Variants in GNL3L observed in about 807,000 individuals in gnomAD.
The protein encoded by GNL3L is G protein nucleolar 3 like, also known as guanine nucleotide-binding protein-like 3-like protein.
In GNL3L, 4 loss-of-function variants were observed where a neutral mutation model predicts 42.9. The observed-to-expected ratio is 0.09, with a 90% CI of 0.05 to 0.21. The LOEUF is 0.21. Among genes scored for constraint, GNL3L ranks in the 10% least tolerant of loss-of-function variants. The pLI, the probability that GNL3L is intolerant of heterozygous loss-of-function variation, is 1.00. For synonymous variants in GNL3L, 159 were observed against 176.3 expected, an observed-to-expected ratio of 0.90 and a Z score of 0.78; for missense variants, 412 against 481.7, an observed-to-expected ratio of 0.86 and a Z score of 1.36.
chrX:54,627,163 G>A, the GNL3L span, among the ~76,000 whole-genome samples: 1 of 110,160 alleles, frequency 9.1e-6, no homozygotes, highest in African/African-American at 3.3e-5. Context: ...TGTGCGCCAC[G>A]ATGCCCGGCT....
At position 54,567,169 on chromosome X, in the gene GNL3L, G is replaced by T. The variant is rs1397820846; in HGVS notation, c.*6567G>T. Among the ~76,000 whole-genome samples, 1 of 112,288 alleles carries T rather than the reference G, an allele frequency of 8.9e-6. No homozygotes were observed. The highest frequency in any genetic ancestry group is 2.8e-4 in the East Asian group (1 of 3,607). On this transcript the variant is annotated 3_prime_UTR_variant, in exon 16 of 16. Transcript: ENST00000360845. ...GGTTACCCAATTTTTCTAGCAGTATGTGCTAAAACTTTGCTAAAGTCACTT... is the reference window on the plus strand; with the variant it reads ...GGTTACCCAATTTTTCTAGCAGTATTTGCTAAAACTTTGCTAAAGTCACTT...
chrX:54,557,358 G>A lies in GNL3L; in HGVS notation c.1447-1078G>A, dbSNP rs374381872. On this transcript the variant is annotated intron_variant, in intron 14 of 15. Coordinates refer to ENST00000360845, the MANE Select transcript of GNL3L (RefSeq NM_001184819.2). Reference sequence around the variant, plus strand: ...GGCTCACTGCAGCCTTGAACTCTGGGCTCAAGCAATCCCCCCACCTCAGCC... The same window carrying A: ...GGCTCACTGCAGCCTTGAACTCTGGACTCAAGCAATCCCCCCACCTCAGCC... Among the ~76,000 whole-genome samples, 14 of 109,980 alleles carry A rather than the reference G, an allele frequency of 1.3e-4. No homozygotes were observed. In the South Asian group the frequency reaches 1.6e-3, roughly 13 times the overall value.
chrX:54,546,710 G>A (rs1405468038), intron 8 of GNL3L, among the ~76,000 whole-genome samples: 4 of 111,759 alleles, frequency 3.6e-5, no homozygotes, highest in African/African-American at 1.3e-4. Flanking sequence ...GGGATGGCAC[G>A]ATCTCGGCTC....
intron 14 of GNL3L, among the ~76,000 whole-genome samples, chrX:54,555,633 A>ATTTTTTT (rs759334820): frequency 3.0e-5 from 2 of 66,396 alleles, no homozygotes; most frequent in Non-Finnish European, 5.2e-5. Flanking sequence ...ACCATGCCTA[A>ATTTTTTT]TTTTTTTTTT....
chrX:54,581,273 C>T lies in GNL3L; in HGVS notation c.*45+20626C>T, dbSNP rs748768607. Among the ~76,000 whole-genome samples, 4 of 111,893 alleles carry T rather than the reference C, an allele frequency of 3.6e-5. No individual in the cohort carries two copies. The East Asian group carries it at 8.4e-4, about 24-fold the overall frequency. On this transcript the variant is annotated intron_variant, in intron 16 of 16. Transcript: ENST00000674498. Reference sequence around the variant, plus strand: ...TAGAGACAGGATTTCACTCTGTAACCGAGGCTGAAGTGCTGAGGCGCTCTC... The same window carrying T: ...TAGAGACAGGATTTCACTCTGTAACTGAGGCTGAAGTGCTGAGGCGCTCTC...
chrX:54,551,639 A>C lies in GNL3L; in HGVS notation c.935A>C (p.Asn312Thr). 8.3e-7 allele frequency: 1 copy of C among 1,208,738 alleles called. No homozygotes were observed. Among genetic ancestry groups the C allele is most frequent in the African/African-American group, 1.7e-5 (1 of 57,727 alleles). Residue 312 changes from asparagine (N) to threonine (T), a missense_variant, in exon 11 of 16, where the codon AAC becomes ACC. Asn to Thr is a moderately conservative substitution (Grantham distance 65). Coordinates refer to ENST00000360845, the MANE Select transcript of GNL3L (RefSeq NM_001184819.2). ...GCTCCAGGCATTGTCCCAGGGCCCAACTCAGAGGTGGGCACCATCCTGCGT... is the reference window on the plus strand; with the variant it reads ...GCTCCAGGCATTGTCCCAGGGCCCACCTCAGAGGTGGGCACCATCCTGCGT... ...LDAPGIVPGP[N>T]SEVGTILRNC... is the part of the protein sequence containing the mutation.
chrX:54,534,798 T>TC (rs976722535), intron 2 of GNL3L, among the ~76,000 whole-genome samples: 19 of 110,453 alleles, frequency 1.7e-4, no homozygotes, highest in African/African-American at 5.9e-4. Context: ...CCTTTTTCCC[T>TC]CCCCCCTTCT....
Position 54,560,657 on chromosome X carries a change from A to T in GNL3L, c.*55A>T. On this transcript the variant is annotated 3_prime_UTR_variant, in exon 16 of 16. Coordinates refer to ENST00000360845, the MANE Select transcript of GNL3L (RefSeq NM_001184819.2). ...AGCACCAGTTCCGGTGGTACGGGGGAATACCAGTGAAATAGTTTGGTTCTC... is the reference window on the plus strand; with the variant it reads ...AGCACCAGTTCCGGTGGTACGGGGGTATACCAGTGAAATAGTTTGGTTCTC... 1 of 697,872 alleles carries T rather than the reference A, an allele frequency of 1.4e-6. No homozygotes were observed. Among genetic ancestry groups the T allele is most frequent in the Non-Finnish European group, 2.3e-6 (1 of 431,910 alleles). 57.5% of individuals were successfully genotyped at this position (697,872 alleles called of 1,213,427 possible). A position where few individuals can be genotyped will look rare whatever the true frequency, so the allele number is the denominator to read the frequency against.
intron 16 of GNL3L, among the ~76,000 whole-genome samples, chrX:54,595,398 GTCTAC>G (rs1407927253): frequency 9.0e-6 from 1 of 111,666 alleles, no homozygotes; most frequent in African/African-American, 3.3e-5. Flanking sequence ...CCACTGAAAA[GTCTAC>G]TGCTAGACAT....
chrX:54,558,289 T>C, intron 14 of GNL3L, 147 bp from the exon 15 acceptor site: 1 of 456,855 alleles, frequency 2.2e-6, no homozygotes. Flanking sequence ...CCTGCTGGAG[T>C]GTGGTGGGGC....
intron 16 of GNL3L, among the ~76,000 whole-genome samples, chrX:54,619,516 C>A (rs965003056): frequency 3.6e-5 from 3 of 82,295 alleles, no homozygotes; most frequent in African/African-American, 2.7e-4. Context: ...TTCTGTTTTG[C>A]GCAATTTTTT....
the GNL3L span, among the ~76,000 whole-genome samples, chrX:54,644,925 A>AT: frequency 9.0e-6 from 1 of 111,336 alleles, no homozygotes; most frequent in African/African-American, 3.3e-5. Flanking sequence ...TAGTTATTCA[A>AT]TTTTTTATGT....
At position 54,541,996 on chromosome X, in the gene GNL3L, G is replaced by A. The variant is rs984074576; in HGVS notation, c.306+607G>A. On this transcript the variant is annotated intron_variant, in intron 5 of 15. Coordinates refer to ENST00000360845, the MANE Select transcript of GNL3L (RefSeq NM_001184819.2). ...CTCGAGCACACGTATACACATAGGCGCACACATGAACCATGGGGTTCTGTC... is the reference window on the plus strand; with the variant it reads ...CTCGAGCACACGTATACACATAGGCACACACATGAACCATGGGGTTCTGTC... Among the ~76,000 whole-genome samples the A allele has an allele frequency of 2.7e-5, 3 of 111,304 alleles. No individual in the cohort carries two copies. The Admixed American group carries it at 2.9e-4, about 11-fold the overall frequency.
intron 16 of GNL3L, among the ~76,000 whole-genome samples, chrX:54,579,986 GTTTTT>G (rs869217575): frequency 4.2e-5 from 2 of 47,704 alleles, no homozygotes; most frequent in African/African-American, 2.0e-4. Flanking sequence ...CCTAAAGTTT[GTTTTT>G]TTTTTTTTTT....
chrX:54,536,846 GAAGGAAAGGAAAGA>G (rs2147472214), intron 2 of GNL3L, among the ~76,000 whole-genome samples: 1 of 108,032 alleles, frequency 9.3e-6, no homozygotes, highest in East Asian at 2.9e-4. Context: ...AGAAAGGAAG[GAAGGAAAGGAAAGA>G]AAGGAAAGAA....
intron 16 of GNL3L, among the ~76,000 whole-genome samples, chrX:54,613,699 G>A (rs780978889): frequency 9.0e-6 from 1 of 110,925 alleles, no homozygotes; most frequent in South Asian, 3.9e-4. Flanking sequence ...GCTACCCAGC[G>A]AGTCTACCTG....
chrX:54,557,458 A>G (rs923645160), intron 14 of GNL3L, among the ~76,000 whole-genome samples: 16 of 109,370 alleles, frequency 1.5e-4, no homozygotes, highest in African/African-American at 5.0e-4. Flanking sequence ...TTTTTGAGAC[A>G]GGGTCTTGCT....
intron 16 of GNL3L, among the ~76,000 whole-genome samples, chrX:54,612,604 T>C (rs1381631373): frequency 8.9e-6 from 1 of 112,059 alleles, no homozygotes; most frequent in Non-Finnish European, 1.9e-5. Context: ...CTTTTAGCAA[T>C]TCCTGTAGTG....
rs866344495 is a variant in GNL3L at position 54,540,626 on chromosome X, C to T, written c.189+384C>T. ...CTGGATGTCTTTCTTCTTTGACTAG[C>T]CACTGACAGTCTCTTTTGCCACTTT... is the stretch of plus-strand genomic sequence containing the variant. On this transcript the variant is annotated intron_variant, in intron 4 of 15. Coordinates refer to ENST00000360845, the MANE Select transcript of GNL3L (RefSeq NM_001184819.2). 2.1e-4 allele frequency among the ~76,000 whole-genome samples: 23 copies of T among 111,740 alleles called. No individual in the cohort carries two copies. The Middle Eastern group carries it at 0.014, about 67-fold the overall frequency.
Sources: allele counts gnomAD v4.1 joint callset (sites outside exome capture counted in the v4.1 genomes callset), GRCh38; gene constraint gnomAD v4.1.1; transcripts MANE v1.5; gene names NCBI Gene and HGNC (gene_info 2026-07-23, HGNC 2026-07-21).